Variants in SEC23A observed in about 807,000 individuals in gnomAD.
SEC23A encodes SEC23 homolog A, COPII component.
Under a neutral mutation model 103.7 loss-of-function variants are expected in SEC23A, and 56 were observed. The ratio of observed to expected loss-of-function variants is 0.54; its 90% confidence interval spans 0.44 to 0.67. The LOEUF is 0.67. Among genes scored for constraint, SEC23A ranks in the 30% least tolerant of loss-of-function variants. SEC23A has a pLI of 0.00. For missense variants in SEC23A, 784 were observed against 936.4 expected (o/e 0.84, Z 2.12); for synonymous variants, 281 against 293.0 (o/e 0.96, Z 0.42).
intron 16 of SEC23A, among the ~76,000 whole-genome samples, chr14:39,043,273 T>C (rs946031813): frequency 6.6e-6 from 1 of 152,164 alleles, no homozygotes; most frequent in Non-Finnish European, 1.5e-5. Flanking sequence ...AGCACTAAAT[T>C]TGAAACTTAG....
chr14:39,066,664 A>C (rs549934703), intron 10 of SEC23A, among the ~76,000 whole-genome samples: 1 of 152,266 alleles, frequency 6.6e-6, no homozygotes, highest in East Asian at 1.9e-4. Context: ...CAGGAGTTCG[A>C]GACCAGCCTG....
intron 9 of SEC23A, among the ~76,000 whole-genome samples, chr14:39,069,471 A>AT (rs1328793183): frequency 3.3e-5 from 5 of 151,584 alleles, no homozygotes; most frequent in African/African-American, 1.2e-4. Flanking sequence ...TATTATTATT[A>AT]TTTTTTGAGC....
At chr14:39,077,546 A>C (rs1043091673) in intron 7 of SEC23A, among the ~76,000 whole-genome samples, 3 of 151,950 alleles carry the variant, frequency 2.0e-5, no homozygotes, top group Non-Finnish European at 4.4e-5. Context: ...TGTCAAAAAA[A>C]AGAAAGAAAG....
chr14:39,089,051 G>A (rs1196296549), intron 5 of SEC23A, among the ~76,000 whole-genome samples: 1 of 151,546 alleles, frequency 6.6e-6, no homozygotes, highest in East Asian at 1.9e-4. Context: ...GCATGCGCCT[G>A]TAGTCCCAGC....
chr14:39,046,025 G>T (rs1455674220), intron 15 of SEC23A, among the ~76,000 whole-genome samples: 1 of 152,182 alleles, frequency 6.6e-6, no homozygotes, highest in Non-Finnish European at 1.5e-5. Flanking sequence ...TGTTCTCGTG[G>T]TAGTAAGTCT....
chr14:39,078,068 A>G (rs1887099931), intron 7 of SEC23A, among the ~76,000 whole-genome samples: 1 of 152,088 alleles, frequency 6.6e-6, no homozygotes, highest in African/African-American at 2.4e-5. Context: ...TGGGCAACAA[A>G]GGGAGACCTT....
intron 15 of SEC23A, chr14:39,047,369 T>G: frequency 7.8e-7 from 1 of 1,286,460 alleles, no homozygotes; most frequent in Non-Finnish European, 1.0e-6. Flanking sequence ...TTACATGCCT[T>G]AAGACAAGCA....
intron 13 of SEC23A, among the ~76,000 whole-genome samples, chr14:39,056,440 A>G (rs1021082431): frequency 6.6e-6 from 1 of 150,918 alleles, no homozygotes; most frequent in Non-Finnish European, 1.5e-5. Context: ...GCCTACTTCA[A>G]TATTTCAAAA....
rs190773970 is a variant in SEC23A at position 39,055,439 on chromosome 14, G to T, written c.1506-143C>A. The T allele has an allele frequency of 8.9e-6, 7 of 782,740 alleles. No individual in the cohort carries two copies. The African/African-American group carries it at 9.2e-5, about 10-fold the overall frequency. 48.5% of individuals were successfully genotyped at this position (782,740 alleles called of 1,614,324 possible). On this transcript the variant is annotated intron_variant, in intron 13 of 19. Transcript: ENST00000307712. ...TTTTTTTTTTTTGAGACAGAGTCTC[G>T]CTCTGTCACCTAGGCTGCAGTGCAA...
At chr14:39,095,074 G>A (rs1594487775) in intron 2 of SEC23A, 2 of 676,736 alleles carry the variant, frequency 3.0e-6, no homozygotes, top group East Asian at 5.4e-5. Flanking sequence ...AAATTGCCCA[G>A]GAAAAAGACT....
intron 14 of SEC23A, among the ~76,000 whole-genome samples, chr14:39,050,808 G>GAAGAAAGAAAGAAAGAAAGAAAGA (rs3064945): frequency 2.0e-5 from 3 of 150,724 alleles, no homozygotes; most frequent in African/African-American, 7.3e-5. Context: ...GGAAAGAAAG[G>GAAGAAAGAAAGAAAGAAAGAAAGA]AAGAAAGAAA....
At chr14:39,063,243 T>A (rs906166748) in intron 12 of SEC23A, 81 bp downstream of exon 12, 58 of 827,068 alleles carry the variant, frequency 7.0e-5, no homozygotes, top group Non-Finnish European at 1.1e-4. Context: ...GGAAAAAAAA[T>A]ATGAACTATT....
At chr14:39,097,560 C>G (rs1273099641) in intron 1 of SEC23A, among the ~76,000 whole-genome samples, 34 of 152,112 alleles carry the variant, frequency 2.2e-4, no homozygotes, top group Admixed American at 2.2e-3. Context: ...AATAAATTTT[C>G]ATAAAACAAA....
At chr14:39,048,811 A>T (rs1233784812) in intron 14 of SEC23A, 82 bp from the exon 15 acceptor site, 1 of 758,380 alleles carries the variant, frequency 1.3e-6, no homozygotes, top group African/African-American at 1.7e-5. Flanking sequence ...TATTTACAAG[A>T]AGTTACCAAT....
chr14:39,070,553 G>A (rs894538552), intron 9 of SEC23A, among the ~76,000 whole-genome samples: 2 of 152,126 alleles, frequency 1.3e-5, no homozygotes, highest in African/African-American at 4.8e-5. Flanking sequence ...ATGCAAGGTA[G>A]GTTTAAAATC....
chr14:39,047,807 A>G (rs1403767917), intron 15 of SEC23A, among the ~76,000 whole-genome samples: 1 of 152,220 alleles, frequency 6.6e-6, no homozygotes, highest in Non-Finnish European at 1.5e-5. Flanking sequence ...GTATCCTCCT[A>G]AAGTTCCCTG....
Position 39,085,919 on chromosome 14 carries a change from A to T in SEC23A, c.684-13T>A. 1 of 1,610,032 alleles carries T rather than the reference A, an allele frequency of 6.2e-7. No individual in the cohort carries two copies. Among genetic ancestry groups the T allele is most frequent in the South Asian group, 1.1e-5 (1 of 91,022 alleles). On this transcript the variant is annotated splice_polypyrimidine_tract_variant and intron_variant, in intron 6 of 19. Transcript: ENST00000307712. ...TGGTTGTAAGAATCTAAGAAACAGA[A>T]TTAAATAAAAAGCCATTTGTAAATG...
At chr14:39,080,867 C>G (rs1463586757) in intron 7 of SEC23A, among the ~76,000 whole-genome samples, 2 of 151,764 alleles carry the variant, frequency 1.3e-5, no homozygotes, top group Non-Finnish European at 2.9e-5. Context: ...AAAAACCCTA[C>G]AAGATAAAAA....
intron 18 of SEC23A, 21 bp from the exon 19 acceptor site, chr14:39,039,117 A>G (rs1233533104): frequency 1.2e-6 from 2 of 1,602,656 alleles, no homozygotes; most frequent in Non-Finnish European, 1.7e-6. Flanking sequence ...AAGAAGAAAT[A>G]ACATTATCCA....
Sources: gnomAD v4.1 joint callset for allele counts (sites outside exome capture counted in the v4.1 genomes callset) on GRCh38, gnomAD v4.1.1 for gene constraint, MANE v1.5 for transcripts, NCBI Gene and HGNC (gene_info 2026-07-23, HGNC 2026-07-21) for gene names.